ZNF331: variants seen among roughly 807,000 people sequenced by gnomAD.
ZNF331 encodes zinc finger protein 331, also known as C2H2-like zinc finger protein rearranged in thyroid adenomas.
A neutral mutation model predicts 7.0 loss-of-function variants in ZNF331; 2 were observed. The ratio of observed to expected loss-of-function variants is 0.29; its 90% confidence interval spans 0.12 to 0.90. The LOEUF is 0.90. Ranked by LOEUF, ZNF331 falls within the 40% of genes least tolerant of loss-of-function variation. The pLI is 0.58. For synonymous variants in ZNF331, 196 were observed against 205.4 expected (o/e 0.95, Z 0.39); for missense variants, 432 against 587.7 (o/e 0.74, Z 2.74).
intron 3 of ZNF331, among the ~76,000 whole-genome samples, chr19:53,566,314 T>TC (rs1438517268): frequency 6.6e-6 from 1 of 152,018 alleles, no homozygotes; most frequent in Non-Finnish European, 1.5e-5. Flanking sequence ...TGGTTTTGGG[T>TC]CAGAGTTTTG....
Position 53,577,634 on chromosome 19 carries a change from A to G in ZNF331, c.1074A>G (p.Thr358=). The change falls in exon 6 of 6, where the codon ACA becomes ACG. Residue 358 remains threonine, a synonymous_variant. Coordinates refer to ENST00000449416, the MANE Select transcript of ZNF331 (RefSeq NM_001079906.2). ...CGGGCGAGAAGCCGTACAAGTGCAC[A>G]GAATGTGGGAAGGCCTTCAATTGTG... ...IHTGEKPYKC[T]ECGKAFNCGY... is the part of the protein sequence containing the mutation. 6.2e-7 allele frequency: 1 copy of G among 1,614,044 alleles called. No individual in the cohort carries two copies. Among genetic ancestry groups the G allele is most frequent in the East Asian group, 2.2e-5 (1 of 44,872 alleles).
intron 3 of ZNF331, 79 bp from the exon 4 acceptor site, chr19:53,569,225 G>C (rs1253384331): frequency 1.4e-6 from 1 of 724,244 alleles, no homozygotes; most frequent in African/African-American, 1.8e-5. Flanking sequence ...AGCCAAGACA[G>C]AGGAGCCAAA....
chr19:53,508,031 C>T, the ZNF331 span, among the ~76,000 whole-genome samples: 1 of 152,162 alleles, frequency 6.6e-6, no homozygotes, highest in Non-Finnish European at 1.5e-5. Flanking sequence ...GAAGCATACC[C>T]TCTTTGAGGC....
chr19:53,532,474 C>T (rs1400774362), intron 2 of ZNF331, among the ~76,000 whole-genome samples: 6 of 152,106 alleles, frequency 3.9e-5, no homozygotes, highest in African/African-American at 1.4e-4. Context: ...TTTTCTTTAC[C>T]CATTCCTCTA....
intron 2 of ZNF331, among the ~76,000 whole-genome samples, chr19:53,526,540 T>C (rs2087299675): frequency 6.7e-6 from 1 of 149,586 alleles, no homozygotes; most frequent in African/African-American, 2.5e-5. Flanking sequence ...TTCAATTTTT[T>C]GGCGTAGAAA....
At chr19:53,557,751 G>A (rs541194692) in intron 3 of ZNF331, among the ~76,000 whole-genome samples, 62 of 152,090 alleles carry the variant, frequency 4.1e-4, no homozygotes, top group Middle Eastern at 3.4e-3. Context: ...TCACTTTGAG[G>A]CCAGGAGTTT....
chr19:53,537,611 C>G (rs931283913), upstream of ZNF331: 1 of 152,312 alleles, frequency 6.6e-6, no homozygotes, highest in Non-Finnish European at 1.5e-5. Flanking sequence ...GGGACCGTCC[C>G]GGACTACATT....
upstream of ZNF331, among the ~76,000 whole-genome samples, chr19:53,515,739 C>T (rs1208760082): frequency 1.3e-5 from 2 of 152,162 alleles, no homozygotes; most frequent in Non-Finnish European, 2.9e-5. Flanking sequence ...TCAGGTGATC[C>T]GCCTTCCTCG....
chr19:53,556,742 A>T (rs963042938), intron 3 of ZNF331, among the ~76,000 whole-genome samples: 1 of 152,214 alleles, frequency 6.6e-6, no homozygotes, highest in Admixed American at 6.5e-5. Context: ...GGCTCAAGCA[A>T]TCTTCCCACC....
intron 2 of ZNF331, among the ~76,000 whole-genome samples, chr19:53,545,823 C>T (rs1356637673): frequency 2.6e-5 from 4 of 152,186 alleles, no homozygotes; most frequent in Non-Finnish European, 4.4e-5. Flanking sequence ...GACGTGTTCT[C>T]CGTACCGGCT....
At chr19:53,537,045 ATC>A (rs892600065), upstream of ZNF331, among the ~76,000 whole-genome samples, 38 of 152,318 alleles carry the variant, frequency 2.5e-4, no homozygotes, top group African/African-American at 8.4e-4. Context: ...GGTACACAAG[ATC>A]TCTCAATTTT....
intron 2 of ZNF331, among the ~76,000 whole-genome samples, chr19:53,531,266 A>G (rs2087527711): frequency 6.6e-6 from 1 of 152,168 alleles, no homozygotes; most frequent in Admixed American, 6.6e-5. Context: ...CCTTGCCCCT[A>G]AATATTCTCA....
Position 53,560,695 on chromosome 19 carries a change from C to T in ZNF331, c.-74+4787C>T, listed in dbSNP as rs374321269. 6.6e-6 allele frequency among the ~76,000 whole-genome samples: 1 copy of T among 152,206 alleles called. No homozygotes were observed. The highest frequency in any genetic ancestry group is 1.5e-5 in the Non-Finnish European group (1 of 68,000). On this transcript the variant is annotated intron_variant, in intron 3 of 5. Coordinates refer to ENST00000449416, the MANE Select transcript of ZNF331 (RefSeq NM_001079906.2). This position sits in a 1 kb window ranked among gnomAD's most constrained non-coding sequence, Gnocchi z 4.3. ...CTTGCTTTTGCTGGCTTCTAGACGC[C>T]GCCCACACTCCTTAGTTCGTGACCC...
At chr19:53,517,090 G>T (rs982609214), upstream of ZNF331, among the ~76,000 whole-genome samples, 1 of 152,014 alleles carries the variant, frequency 6.6e-6, no homozygotes, top group Non-Finnish European at 1.5e-5. Context: ...AGATCATCAT[G>T]GACAGTAATG....
intron 5 of ZNF331, among the ~76,000 whole-genome samples, chr19:53,574,292 GA>G (rs890451364): frequency 2.5e-4 from 38 of 151,914 alleles, no homozygotes; most frequent in Admixed American, 2.3e-3. Context: ...GAAGAGACAA[GA>G]CAACAATACG....
At chr19:53,546,270 T>G (rs945524807) in intron 2 of ZNF331, among the ~76,000 whole-genome samples, 1 of 152,146 alleles carries the variant, frequency 6.6e-6, no homozygotes, top group Non-Finnish European at 1.5e-5. Flanking sequence ...GCTCTCCACA[T>G]GAGTTACCTT....
chr19:53,529,272 C>T (rs1198062361), intron 2 of ZNF331, among the ~76,000 whole-genome samples: 1 of 151,786 alleles, frequency 6.6e-6, no homozygotes, highest in Non-Finnish European at 1.5e-5. Flanking sequence ...TGGTGGTAGG[C>T]GCATGTAGTC....
intron 2 of ZNF331, among the ~76,000 whole-genome samples, chr19:53,547,778 G>C (rs1482362349): frequency 6.6e-6 from 1 of 152,178 alleles, no homozygotes; most frequent in Non-Finnish European, 1.5e-5. Flanking sequence ...AATAATAGTA[G>C]TGATCCTGAG....
chr19:53,523,705 G>T (rs1008445204), intron 2 of ZNF331, among the ~76,000 whole-genome samples: 4 of 151,310 alleles, frequency 2.6e-5, no homozygotes, highest in Non-Finnish European at 4.4e-5. Context: ...CAATTCATTT[G>T]TCTGTTAGCC....
Sources: allele counts gnomAD v4.1 joint callset (sites outside exome capture counted in the v4.1 genomes callset), GRCh38; gene constraint gnomAD v4.1.1; non-coding constraint Gnocchi (gnomAD v3.1); transcripts MANE v1.5; gene names NCBI Gene and HGNC (gene_info 2026-07-23, HGNC 2026-07-21).